Variants in ZNF614 observed in about 807,000 individuals in gnomAD.
ZNF614 encodes the protein zinc finger protein 614.
A neutral mutation model predicts 12.8 loss-of-function variants in ZNF614; 11 were observed. The observed-to-expected ratio is 0.86, with a 90% CI of 0.54 to 1.43. The LOEUF is 1.43. Among genes scored for constraint, ZNF614 ranks in the 40% most tolerant of loss-of-function variants. ZNF614 has a pLI of 0.00. For missense variants in ZNF614, 664 were observed against 708.8 expected (o/e 0.94, Z 0.72); for synonymous variants, 237 against 237.5 (o/e 1.00, Z 0.02).
intron 2 of ZNF614, among the ~76,000 whole-genome samples, chr19:52,021,282 C>T (rs1292449983): frequency 6.6e-6 from 1 of 152,126 alleles, no homozygotes; most frequent in Non-Finnish European, 1.5e-5. Flanking sequence ...CAGCTAACAC[C>T]TTGACGACAA....
chr19:52,015,705 C>T lies in ZNF614; in HGVS notation c.*135G>A, dbSNP rs2123115875. 4.9e-6 allele frequency: 4 copies of T among 818,840 alleles called. No homozygotes were observed. In the South Asian group the frequency reaches 5.2e-5, roughly 11 times the overall value. 50.7% of individuals were successfully genotyped at this position (818,840 alleles called of 1,614,324 possible). On this transcript the variant is annotated 3_prime_UTR_variant, in exon 5 of 5. Transcript: ENST00000270649. The stretch of plus-strand genomic sequence containing the variant: ...AATTATTTCACCTCCTGAGGACAGA[C>T]ACACATCTGTCAACAGGCAGCACCA...
At position 52,016,401 on chromosome 19, in the gene ZNF614, G is replaced by GT; in HGVS notation, c.1196dup (p.Tyr399Ter). Residue 399 changes from tyrosine (Y) to a stop codon, truncating the protein, a stop_gained and frameshift_variant, in exon 5 of 5, where the codon TAC (tyrosine) becomes TAAC (stop). Transcript: ENST00000270649. LOFTEE classifies it low-confidence loss of function (END_TRUNC). ...HQRSHTGEKSYICSECGKGFT... is the reference protein window; with the variant it reads ...HQRSHTGEKS ...AGCCTTTTCCACATTCGCTGCATAT[G>GT]TAAGATTTTTCTCCTGTGTGGGAGC... 6.2e-7 allele frequency: 1 copy of GT among 1,613,780 alleles called. No individual in the cohort carries two copies. Among genetic ancestry groups the GT allele is most frequent in the Non-Finnish European group, 8.5e-7 (1 of 1,179,946 alleles).
chr19:52,015,721 G>A lies in ZNF614; in HGVS notation c.*119C>T. On this transcript the variant is annotated 3_prime_UTR_variant, in exon 5 of 5. Coordinates refer to ENST00000270649, the MANE Select transcript of ZNF614 (RefSeq NM_025040.4). ...GAGGACAGACACACATCTGTCAACA[G>A]GCAGCACCATGTTTATGTTCCAATT... The A allele has an allele frequency of 1.0e-6, 1 of 958,434 alleles. No homozygotes were observed. Among genetic ancestry groups the A allele is most frequent in the Non-Finnish European group, 1.6e-6 (1 of 636,920 alleles). The allele number at this position is 958,434 out of a possible 1,614,324, so 59.4% of individuals were successfully genotyped here.
At chr19:52,017,386 T>C in intron 4 of ZNF614, 27 bp from the exon 5 acceptor site, 1 of 1,556,786 alleles carries the variant, frequency 6.4e-7, no homozygotes, top group Non-Finnish European at 8.6e-7. Context: ...TAACAAATTC[T>C]TCCATGAGAA....
chr19:52,022,699 C>A (rs139378939), intron 2 of ZNF614, among the ~76,000 whole-genome samples: 302 of 152,072 alleles, frequency 2.0e-3, no homozygotes, highest in African/African-American at 7.0e-3. Context: ...TCCCACAAAC[C>A]CCTCCTCAGG....
chr19:52,017,269 A>T lies in ZNF614; in HGVS notation c.329T>A (p.Leu110His). The change falls in exon 5 of 5, where the codon CTT (leucine) becomes CAT (histidine). Residue 110 changes from leucine (L) to histidine (H), a missense_variant. Leu to His is a moderately conservative substitution (Grantham distance 99). Coordinates refer to ENST00000270649, the MANE Select transcript of ZNF614 (RefSeq NM_025040.4). ...SVQQCNGQNTLRNIVHLSKTH... is the reference protein window; with the variant it reads ...SVQQCNGQNTHRNIVHLSKTH... Reference sequence around the variant, plus strand: ...CTTGCTGAGATGTACAATATTTCTAAGTGTATTCTGTCCATTGCATTGCTG... The same window carrying T: ...CTTGCTGAGATGTACAATATTTCTATGTGTATTCTGTCCATTGCATTGCTG... 6.2e-7 allele frequency: 1 copy of T among 1,614,058 alleles called. No homozygotes were observed. Among genetic ancestry groups the T allele is most frequent in the Non-Finnish European group, 8.5e-7 (1 of 1,180,042 alleles).
Position 52,016,750 on chromosome 19 carries a change from T to C in ZNF614, c.848A>G (p.Glu283Gly). Residue 283 changes from glutamate (E) to glycine (G), a missense_variant, in exon 5 of 5, where the codon GAA (glutamate) becomes GGA (glycine). Glu to Gly is a moderately conservative substitution (Grantham distance 98, BLOSUM62 -2). Transcript: ENST00000270649. ...CTCACTGCACATATAGGATTTCTCT[T>C]CTGTATGGGTTTGTTGATGTGTAAT... ...SLITHQQTHT[E>G]EKSYMCSECG... 6.2e-7 allele frequency: 1 copy of C among 1,614,186 alleles called. No individual in the cohort carries two copies. The highest frequency in any genetic ancestry group is 8.5e-7 in the Non-Finnish European group (1 of 1,180,042).
chr19:52,023,436 A>C (rs760566296), intron 2 of ZNF614, among the ~76,000 whole-genome samples: 1 of 152,044 alleles, frequency 6.6e-6, no homozygotes, highest in Non-Finnish European at 1.5e-5. Context: ...GCGAGCCCCC[A>C]TGCCCAGCCT....
In ZNF614 at chr19:52,014,439, C is replaced by T. The variant is rs572857155; in HGVS notation, c.*1401G>A. The stretch of plus-strand genomic sequence containing the variant: ...ATCAGATGCCACTCACAAGGACAAC[C>T]TGCAGTTCTGAATGGTGATAAATTC... On this transcript the variant is annotated 3_prime_UTR_variant, in exon 5 of 5. Transcript: ENST00000270649. The T allele has an allele frequency of 6.6e-6, 1 of 152,222 alleles. No individual in the cohort carries two copies. The highest frequency in any genetic ancestry group is 2.1e-4 in the South Asian group (1 of 4,826). The allele number at this position is 152,222 out of a possible 1,614,324, so 9.4% of individuals were successfully genotyped here.
chr19:52,016,260 C>T lies in ZNF614; in HGVS notation c.1338G>A (p.Gln446=), dbSNP rs1177056916. 1.2e-6 allele frequency: 2 copies of T among 1,613,966 alleles called. No individual in the cohort carries two copies. Among genetic ancestry groups the T allele is most frequent in the Non-Finnish European group, 1.7e-6 (2 of 1,179,988 alleles). The change falls in exon 5 of 5, where the codon CAG becomes CAA. Residue 446 remains glutamine (Q), a synonymous_variant. Coordinates refer to ENST00000270649, the MANE Select transcript of ZNF614 (RefSeq NM_025040.4). ...AGGGTTTTTCTCCTGTATGAGTTCG[C>T]TGATGTATAATAAGAGTGCGCTTTG... ...FTTKRTLIIH[Q]RTHTGEKPYE... is the part of the protein sequence containing the mutation.
chr19:52,015,731 T>C lies in ZNF614; in HGVS notation c.*109A>G. 1 of 1,054,558 alleles carries C rather than the reference T, an allele frequency of 9.5e-7. No individual in the cohort carries two copies. The highest frequency in any genetic ancestry group is 1.4e-6 in the Non-Finnish European group (1 of 721,860). 65.3% of individuals were successfully genotyped at this position (1,054,558 alleles called of 1,614,324 possible). On this transcript the variant is annotated 3_prime_UTR_variant, in exon 5 of 5. Transcript: ENST00000270649. ...ACACATCTGTCAACAGGCAGCACCA[T>C]GTTTATGTTCCAATTGGCTAGAAAC...
chr19:52,025,967 A>C lies in ZNF614; in HGVS notation c.-216-6T>G. On this transcript the variant is annotated splice_polypyrimidine_tract_variant and splice_region_variant and intron_variant, in intron 1 of 4. Transcript: ENST00000270649. ...TGGGAGCCAGGACCTGAGGACTGAT[A>C]AACAAAATGGCTTTCAGTGTACATT... 1 of 538,224 alleles carries C rather than the reference A, an allele frequency of 1.9e-6. No individual in the cohort carries two copies. The highest frequency in any genetic ancestry group is 3.3e-6 in the Non-Finnish European group (1 of 301,044). The allele number at this position is 538,224 out of a possible 1,614,324, so 33.3% of individuals were successfully genotyped here. A position where few individuals can be genotyped will look rare whatever the true frequency, so the allele number is the denominator to read the frequency against.
At chr19:52,024,376 C>CTA (rs1403646862) in intron 2 of ZNF614, among the ~76,000 whole-genome samples, 1 of 152,098 alleles carries the variant, frequency 6.6e-6, no homozygotes, top group Non-Finnish European at 1.5e-5. Context: ...GGAGTCTGTC[C>CTA]TAAGTCTAGA....
chr19:52,014,064 T>TTA lies in ZNF614; in HGVS notation c.*1775_*1776insTA, dbSNP rs2086882218. On this transcript the variant is annotated 3_prime_UTR_variant, in exon 5 of 5. Transcript: ENST00000270649. ...TCTTAGTTAAGCAAGTCCAAATATG[T>TTA]TGTTAATATATTTAACATATTCAGT... 1 of 151,792 alleles carries TTA rather than the reference T, an allele frequency of 6.6e-6. No individual in the cohort carries two copies. Among genetic ancestry groups the TTA allele is most frequent in the Non-Finnish European group, 1.5e-5 (1 of 67,944 alleles). 9.4% of individuals were successfully genotyped at this position (151,792 alleles called of 1,614,324 possible).
intron 2 of ZNF614, 131 bp downstream of exon 2, chr19:52,025,600 C>T (rs2086965883): frequency 4.7e-6 from 5 of 1,052,878 alleles, no homozygotes; most frequent in Admixed American, 4.1e-5. Context: ...TGAACCCCCA[C>T]CTCTACTCCC....
rs77913400 is a variant in ZNF614, at chr19:52,015,173, TCAC to T, written c.*664_*666del. 29,948 of 152,128 alleles carry T rather than the reference TCAC, an allele frequency of 0.2. 3,263 individuals carry two copies. Among genetic ancestry groups the T allele is most frequent in the East Asian group, 0.38 (1,947 of 5,166 alleles). 9.4% of individuals were successfully genotyped at this position (152,128 alleles called of 1,614,324 possible). A position where few individuals can be genotyped will look rare whatever the true frequency, so the allele number is the denominator to read the frequency against. Reference sequence around the variant, plus strand: ...AAAAGCACTCAAATATTCATCATTTTCACCACATTTCATGCCTTCATGAGCTGT... The same window carrying T: ...AAAAGCACTCAAATATTCATCATTTTCACATTTCATGCCTTCATGAGCTGT... On this transcript the variant is annotated 3_prime_UTR_variant, in exon 5 of 5. Coordinates refer to ENST00000270649, the MANE Select transcript of ZNF614 (RefSeq NM_025040.4).
chr19:52,023,817 C>T (rs902840864), intron 2 of ZNF614, among the ~76,000 whole-genome samples: 1 of 152,126 alleles, frequency 6.6e-6, no homozygotes, highest in Non-Finnish European at 1.5e-5. Context: ...ATTGAGATGA[C>T]TGGTGCCTGG....
intron 1 of ZNF614, among the ~76,000 whole-genome samples, chr19:52,027,868 C>T (rs1402289971): frequency 6.6e-6 from 1 of 152,188 alleles, no homozygotes; most frequent in Non-Finnish European, 1.5e-5. Context: ...TATCAACCAA[C>T]TAGACTTAAC....
intron 2 of ZNF614, among the ~76,000 whole-genome samples, chr19:52,019,844 A>C (rs375307363): frequency 3.6e-4 from 55 of 152,312 alleles, no homozygotes; most frequent in South Asian, 2.1e-3. Flanking sequence ...AGTAGAGGTA[A>C]CTAAGATCCA....
Sources: allele counts gnomAD v4.1 joint callset (sites outside exome capture counted in the v4.1 genomes callset), GRCh38; gene constraint gnomAD v4.1.1; transcripts MANE v1.5; gene names NCBI Gene and HGNC (gene_info 2026-07-23, HGNC 2026-07-21).